Variants in ITPR2 observed in about 807,000 individuals in gnomAD.
ITPR2 encodes inositol 1,4,5-trisphosphate receptor type 2.
Under a neutral mutation model 317.1 loss-of-function variants are expected in ITPR2, and 207 were observed. The observed-to-expected ratio is 0.65, with a 90% CI of 0.58 to 0.73. The LOEUF (loss-of-function observed/expected upper bound fraction) is 0.73, where lower values mean the gene tolerates loss of function less well. Ranked by LOEUF, ITPR2 falls within the 30% of genes least tolerant of loss-of-function variation. The pLI, the probability that ITPR2 is intolerant of heterozygous loss-of-function variation, is 0.00. For missense variants in ITPR2, 2,613 were observed against 3,284.0 expected (o/e 0.80, Z 4.99); for synonymous variants, 1,156 against 1,149.1 (o/e 1.01, Z -0.12).
At chr12:26,731,745 C>T (rs1439394013) in intron 2 of ITPR2, among the ~76,000 whole-genome samples, 1 of 152,180 alleles carries the variant, frequency 6.6e-6, no homozygotes, top group African/African-American at 2.4e-5. Flanking sequence ...CTGCAATGAG[C>T]TATGATCACA....
chr12:26,406,834 A>G (rs1330062853), intron 52 of ITPR2, among the ~76,000 whole-genome samples: 1 of 152,254 alleles, frequency 6.6e-6, no homozygotes, highest in Non-Finnish European at 1.5e-5. Flanking sequence ...GATCAAATCC[A>G]TAACATTTTC....
chr12:26,484,121 ATATATGTGTG>A (rs1942606453), intron 41 of ITPR2, among the ~76,000 whole-genome samples: 2 of 151,558 alleles, frequency 1.3e-5, no homozygotes, highest in Admixed American at 6.6e-5. Flanking sequence ...ACATGTACAT[ATATATGTGTG>A]TATATGTGTG....
At position 26,657,892 on chromosome 12, in the gene ITPR2, C is replaced by G. The variant is rs774588753; in HGVS notation, c.2007G>C (p.Lys669Asn). The G allele has an allele frequency of 7.4e-6, 12 of 1,612,534 alleles. No homozygotes were observed. Among genetic ancestry groups the G allele is most frequent in the Non-Finnish European group, 9.3e-6 (11 of 1,179,162 alleles). ...PGNADILIQT[K>N]VVSMQADNPM... is the part of the protein sequence containing the mutation. ...GGTTGTCTGCTTGCATTGAGACCAC[C>G]CTTCAAATAAATAGCACATACAAAA... Residue 669 changes from lysine (K) to asparagine (N), a missense_variant and splice_region_variant, in exon 18 of 57, where the codon AAG (lysine) becomes AAC (asparagine). Lys to Asn is a moderately conservative substitution (Grantham distance 94, BLOSUM62 0). Around this residue, in one of 9 missense-constraint regions of ITPR2, gnomAD observed 817 missense variants for 897.6 expected, o/e 0.91. Transcript: ENST00000381340.
intron 35 of ITPR2, 38 bp downstream of exon 35, chr12:26,561,724 T>A (rs935736682): frequency 1.4e-6 from 2 of 1,422,378 alleles, no homozygotes; most frequent in Non-Finnish European, 1.9e-6. Context: ...AAAAATATAA[T>A]TTAGAAAATA....
At chr12:26,454,042 G>A (rs1214894467) in intron 45 of ITPR2, among the ~76,000 whole-genome samples, 1 of 152,002 alleles carries the variant, frequency 6.6e-6, no homozygotes, top group Non-Finnish European at 1.5e-5. Context: ...ATGGATGGAT[G>A]GACGGATGGA....
At chr12:26,595,696 C>G (rs1381106562) in intron 31 of ITPR2, 106 bp from the exon 32 acceptor site, 13 of 891,226 alleles carry the variant, frequency 1.5e-5, no homozygotes, top group Non-Finnish European at 2.0e-5. Context: ...TATGGTAGAT[C>G]ATAGCATAGT....
Position 26,831,773 on chromosome 12 carries a change from C to CTACATAAAATATATAAATATATATTA in ITPR2, c.92+891_92+916dup, listed in dbSNP as rs1565795024. 6.4e-3 allele frequency among the ~76,000 whole-genome samples: 476 copies of CTACATAAAATATATAAATATATATTA among 74,156 alleles called. 186 individuals carry two copies. The highest frequency in any genetic ancestry group is 8.0e-3 in the Non-Finnish European group (240 of 29,972). 48.6% of individuals were successfully genotyped at this position (74,156 alleles called of 152,430 possible). ...TACATAAAATATATAAATATATATT[C>CTACATAAAATATATAAATATATATTA]TACATAAAATATATAAATATATATT... On this transcript the variant is annotated intron_variant, in intron 1 of 56. Transcript: ENST00000381340. This position sits in a 1 kb window ranked among gnomAD's most constrained non-coding sequence, Gnocchi z 4.9.
chr12:26,641,601 C>T (rs1378547080), intron 21 of ITPR2, among the ~76,000 whole-genome samples: 2 of 152,040 alleles, frequency 1.3e-5, no homozygotes, highest in Admixed American at 1.3e-4. Flanking sequence ...ATATCCGACA[C>T]GCTGGACTGC....
At chr12:26,669,650 T>C (rs775676478) in intron 13 of ITPR2, among the ~76,000 whole-genome samples, 2 of 152,184 alleles carry the variant, frequency 1.3e-5, no homozygotes, top group Non-Finnish European at 2.9e-5. Flanking sequence ...TGCATTTCCA[T>C]CTGAGGTACC....
chr12:26,580,431 T>C (rs1945376088), intron 32 of ITPR2, among the ~76,000 whole-genome samples: 1 of 152,146 alleles, frequency 6.6e-6, no homozygotes, highest in African/African-American at 2.4e-5. Flanking sequence ...CTCCCTTCTC[T>C]TGCACACCAA....
chr12:26,714,200 T>C (rs545421980), intron 8 of ITPR2, among the ~76,000 whole-genome samples: 6 of 152,258 alleles, frequency 3.9e-5, no homozygotes, highest in Non-Finnish European at 4.4e-5. Flanking sequence ...ATTTTCTGCA[T>C]CTCGTCGGTA....
Position 26,339,257 on chromosome 12 carries a change from T to C in ITPR2, c.*140A>G. On this transcript the variant is annotated 3_prime_UTR_variant, in exon 57 of 57. Transcript: ENST00000381340. ...CACAGTTATAAATTGTTCTCGGAGCTAACCCACTCAACATCTTGGCACTTG... is the reference window on the plus strand; with the variant it reads ...CACAGTTATAAATTGTTCTCGGAGCCAACCCACTCAACATCTTGGCACTTG... 1.5e-6 allele frequency: 1 copy of C among 681,742 alleles called. No homozygotes were observed. Among genetic ancestry groups the C allele is most frequent in the Non-Finnish European group, 2.6e-6 (1 of 386,968 alleles). 42.2% of individuals were successfully genotyped at this position (681,742 alleles called of 1,614,324 possible).
At chr12:26,377,064 C>A (rs989277493) in intron 55 of ITPR2, among the ~76,000 whole-genome samples, 14 of 152,244 alleles carry the variant, frequency 9.2e-5, no homozygotes, top group African/African-American at 2.9e-4. Context: ...ACACAAGGCC[C>A]TTTGCAACCT....
At position 26,561,774 on chromosome 12, in the gene ITPR2, A is replaced by C. The variant is rs1427098939; in HGVS notation, c.4809T>G (p.Ile1603Met). 1 of 1,572,172 alleles carries C rather than the reference A, an allele frequency of 6.4e-7. No homozygotes were observed. The highest frequency in any genetic ancestry group is 8.6e-7 in the Non-Finnish European group (1 of 1,168,942). The change falls in exon 35 of 57, where the codon ATT (isoleucine) becomes ATG (methionine). Residue 1603 changes from isoleucine to methionine, a missense_variant. Physicochemically the swap from Ile to Met is conservative, Grantham distance 10. Coordinates refer to ENST00000381340, the MANE Select transcript of ITPR2 (RefSeq NM_002223.4). ...GGPAWDYRNIIEKLQDVVASL... is the reference protein window; with the variant it reads ...GGPAWDYRNIMEKLQDVVASL... ...CGCTTTCATGTACCTGTAACTTTTC[A>C]ATAATATTTCTGTAATCCCAAGCAG...
At chr12:26,524,200 A>G (rs1390727419) in intron 37 of ITPR2, among the ~76,000 whole-genome samples, 1 of 152,216 alleles carries the variant, frequency 6.6e-6, no homozygotes. Flanking sequence ...ATCTAATAGT[A>G]TCTCTGCCAT....
At chr12:26,533,258 T>C (rs937898885) in intron 37 of ITPR2, among the ~76,000 whole-genome samples, 7 of 152,264 alleles carry the variant, frequency 4.6e-5, no homozygotes, top group African/African-American at 1.4e-4. Context: ...CACTTGAGTT[T>C]TTATTCCAAT....
chr12:26,498,767 T>C (rs1019552253), intron 37 of ITPR2, among the ~76,000 whole-genome samples: 8 of 152,208 alleles, frequency 5.3e-5, no homozygotes, highest in African/African-American at 1.7e-4. Context: ...AGGGAACCTA[T>C]TGTGAAGAGG....
At chr12:26,616,754 C>A (rs1265764292) in intron 26 of ITPR2, among the ~76,000 whole-genome samples, 2 of 152,080 alleles carry the variant, frequency 1.3e-5, no homozygotes, top group Non-Finnish European at 2.9e-5. Flanking sequence ...TTGAACTGTG[C>A]AGGTCCACTT....
intron 45 of ITPR2, among the ~76,000 whole-genome samples, chr12:26,467,387 C>T (rs954715041): frequency 1.3e-5 from 2 of 152,242 alleles, no homozygotes; most frequent in Middle Eastern, 6.8e-3. Flanking sequence ...CTCTTTCTCT[C>T]TCTCTCCTGA....
Sources: allele counts gnomAD v4.1 joint callset (sites outside exome capture counted in the v4.1 genomes callset), GRCh38; gene constraint gnomAD v4.1.1; regional missense constraint gnomAD v4.1.1; non-coding constraint Gnocchi (gnomAD v3.1); transcripts MANE v1.5; gene names NCBI Gene and HGNC (gene_info 2026-07-23, HGNC 2026-07-21).